ARSK: variants seen among roughly 807,000 people sequenced by gnomAD.
The protein encoded by ARSK is arylsulfatase family member K.
In ARSK, 37 loss-of-function variants were observed where a neutral mutation model predicts 53.2. The ratio of observed to expected loss-of-function variants is 0.70; its 90% CI spans 0.54 to 0.92. ARSK has a LOEUF of 0.92. Ranked by LOEUF, ARSK falls within the 40% of genes least tolerant of loss-of-function variation. The pLI is 0.00. For synonymous variants in ARSK, 208 were observed against 223.2 expected (o/e 0.93, Z 0.61); for missense variants, 613 against 643.0 (o/e 0.95, Z 0.51).
intron 5 of ARSK, among the ~76,000 whole-genome samples, chr5:95,588,362 G>A (rs983683532): frequency 1.3e-5 from 2 of 151,184 alleles, no homozygotes; most frequent in Admixed American, 6.6e-5. Flanking sequence ...TCAGCCTCCC[G>A]AGTAGCTGGG....
chr5:95,560,105 C>CTTAAAATAAA (rs1289007963), intron 1 of ARSK, among the ~76,000 whole-genome samples: 4 of 152,086 alleles, frequency 2.6e-5, no homozygotes, highest in Non-Finnish European at 5.9e-5. Flanking sequence ...GGATGAAATA[C>CTTAAAATAAA]TTAAAATAAA....
intron 3 of ARSK, among the ~76,000 whole-genome samples, chr5:95,573,125 G>T (rs745880541): frequency 1.3e-5 from 2 of 152,142 alleles, no homozygotes; most frequent in Non-Finnish European, 2.9e-5. Flanking sequence ...ATGCTCGTCA[G>T]CCTGGTCTTA....
At position 95,555,241 on chromosome 5, in the gene ARSK, G is replaced by T. The variant is rs1381689866; in HGVS notation, c.-38G>T. On this transcript the variant is annotated 5_prime_UTR_variant, in exon 1 of 8. Coordinates refer to ENST00000380009, the MANE Select transcript of ARSK (RefSeq NM_198150.3). This position sits in a 1 kb window ranked among gnomAD's most constrained non-coding sequence, Gnocchi z 4.0. ...AGGGAGAGAACGCCAGAGGGAGGCG[G>T]CTGGCCCGGCGGCAGGCTCTCAGAA... 6.4e-7 allele frequency: 1 copy of T among 1,551,962 alleles called. No homozygotes were observed.
chr5:95,591,403 G>A lies in ARSK; in HGVS notation c.874G>A (p.Glu292Lys), dbSNP rs760699538. 3.1e-6 allele frequency: 5 copies of A among 1,605,354 alleles called. No individual in the cohort carries two copies. Among genetic ancestry groups the A allele is most frequent in the Middle Eastern group, 1.7e-4 (1 of 6,036 alleles). ...GTTTATCATGATTTCTATTGTAGGT[G>A]AAATTATTTTGGCCCTTCATCAATT... ...MCAETDAMLG[E>K]IILALHQLDL... Residue 292 changes from glutamate (E) to lysine (K), a missense_variant and splice_region_variant, in exon 6 of 8, where the codon GAA (glutamate) becomes AAA (lysine). Coordinates refer to ENST00000380009, the MANE Select transcript of ARSK (RefSeq NM_198150.3).
At chr5:95,564,388 A>T (rs950406249) in intron 1 of ARSK, among the ~76,000 whole-genome samples, 3 of 152,168 alleles carry the variant, frequency 2.0e-5, no homozygotes, top group African/African-American at 7.2e-5. Flanking sequence ...TTTTGACATA[A>T]GACATGCATA....
intron 7 of ARSK, among the ~76,000 whole-genome samples, chr5:95,602,748 G>T (rs1749424385): frequency 6.6e-6 from 1 of 152,136 alleles, no homozygotes; most frequent in Non-Finnish European, 1.5e-5. Flanking sequence ...CAGTACTGAT[G>T]AATGTAACTT....
At chr5:95,594,624 G>A (rs891473131) in intron 6 of ARSK, among the ~76,000 whole-genome samples, 3 of 152,154 alleles carry the variant, frequency 2.0e-5, no homozygotes, top group Admixed American at 6.5e-5. Flanking sequence ...GGTGGATCAC[G>A]AGGTCAGGAG....
At chr5:95,602,215 C>T (rs1260150907) in intron 7 of ARSK, among the ~76,000 whole-genome samples, 1 of 152,158 alleles carries the variant, frequency 6.6e-6, no homozygotes, top group Non-Finnish European at 1.5e-5. Context: ...AAGCCCACCT[C>T]CCCTGCTCAG....
At chr5:95,587,090 T>C (rs1749126345) in intron 5 of ARSK, among the ~76,000 whole-genome samples, 1 of 152,226 alleles carries the variant, frequency 6.6e-6, no homozygotes, top group Non-Finnish European at 1.5e-5. Flanking sequence ...TTTCTAGAGA[T>C]GAGAAAATTT....
At position 95,556,352 on chromosome 5, in the gene ARSK, G is replaced by T. The variant is rs535691125; in HGVS notation, c.126+948G>T. 6.1e-6 allele frequency: 4 copies of T among 651,228 alleles called. No individual in the cohort carries two copies. In the East Asian group the frequency reaches 1.1e-4, roughly 18 times the overall value. 40.3% of individuals were successfully genotyped at this position (651,228 alleles called of 1,614,324 possible). On this transcript the variant is annotated intron_variant, in intron 1 of 7. Coordinates refer to ENST00000380009, the MANE Select transcript of ARSK (RefSeq NM_198150.3). ...TGGCATTTTATTACAGAGTGCTCTT[G>T]TAATCAAAGGCAAATGAAGGAAGCA...
intron 3 of ARSK, among the ~76,000 whole-genome samples, chr5:95,575,623 G>A (rs574586419): frequency 9.9e-5 from 15 of 151,906 alleles, no homozygotes; most frequent in South Asian, 8.3e-4. Context: ...TTTTTGTAGC[G>A]GTTACTTTCT....
intron 6 of ARSK, among the ~76,000 whole-genome samples, chr5:95,594,936 C>T (rs1462124161): frequency 6.6e-6 from 1 of 152,046 alleles, no homozygotes; most frequent in East Asian, 1.9e-4. Context: ...TGTGACGTTA[C>T]ATTTCATATT....
intron 1 of ARSK, chr5:95,556,339 A>T: frequency 1.5e-6 from 1 of 676,264 alleles, no homozygotes; most frequent in Non-Finnish European, 2.7e-6. Context: ...GCATTTTATT[A>T]CAGAGTGCTC....
chr5:95,604,160 A>G lies in ARSK; in HGVS notation c.*634A>G, dbSNP rs1431057153. 6.6e-6 allele frequency: 1 copy of G among 152,190 alleles called. No individual in the cohort carries two copies. The highest frequency in any genetic ancestry group is 1.5e-5 in the Non-Finnish European group (1 of 68,026). The allele number at this position is 152,190 out of a possible 1,614,324, so 9.4% of individuals were successfully genotyped here. A position where few individuals can be genotyped will look rare whatever the true frequency, so the allele number is the denominator to read the frequency against. ...ATAATATGTATCATAAAATAGTTGT[A>G]TGTGAGCATTTGATGGTGCTCGATG... On this transcript the variant is annotated 3_prime_UTR_variant, in exon 8 of 8. Transcript: ENST00000380009.
At chr5:95,580,786 A>G (rs887598043) in intron 3 of ARSK, 5 of 459,928 alleles carry the variant, frequency 1.1e-5, no homozygotes, top group African/African-American at 1.0e-4. Flanking sequence ...ACAGTGCTAA[A>G]TGATTTTAAA....
At chr5:95,588,212 A>C (rs1749153717) in intron 5 of ARSK, among the ~76,000 whole-genome samples, 1 of 151,914 alleles carries the variant, frequency 6.6e-6, no homozygotes, top group African/African-American at 2.4e-5. Flanking sequence ...TCAAGTTACA[A>C]AATTTATGGA....
At chr5:95,571,258 T>C (rs1748826427) in intron 3 of ARSK, among the ~76,000 whole-genome samples, 1 of 152,262 alleles carries the variant, frequency 6.6e-6, no homozygotes, top group Middle Eastern at 3.2e-3. Flanking sequence ...ACTTTTATTC[T>C]TCTATGTGAC....
chr5:95,576,486 T>C (rs927539575), intron 3 of ARSK, among the ~76,000 whole-genome samples: 2 of 151,918 alleles, frequency 1.3e-5, no homozygotes, highest in East Asian at 1.9e-4. Context: ...TGTGAGCCAT[T>C]GTGCCCAGCC....
intron 3 of ARSK, among the ~76,000 whole-genome samples, chr5:95,575,116 T>A (rs1748902658): frequency 1.3e-5 from 2 of 152,192 alleles, no homozygotes; most frequent in Non-Finnish European, 2.9e-5. Flanking sequence ...TTCCCCAATG[T>A]ATGTTCTTGG....
Sources: allele counts gnomAD v4.1 joint callset (sites outside exome capture counted in the v4.1 genomes callset), GRCh38; gene constraint gnomAD v4.1.1; non-coding constraint Gnocchi (gnomAD v3.1); transcripts MANE v1.5; gene names NCBI Gene and HGNC (gene_info 2026-07-23, HGNC 2026-07-21).